Variants in PGBD5 observed in about 807,000 individuals in gnomAD.
The protein encoded by PGBD5 is piggyBac transposable element derived 5, also known as piggyBac transposable element-derived protein 5.
In PGBD5, 14 loss-of-function variants were observed where a neutral mutation model predicts 47.9. That is an observed-to-expected ratio of 0.29 (90% CI 0.19 to 0.46). The LOEUF is 0.46. Among genes scored for constraint, PGBD5 ranks in the 20% least tolerant of loss-of-function variants. The probability of loss-of-function intolerance (pLI) is 1.00; values close to 1 mark genes in which losing one functional copy is unlikely to be tolerated. For synonymous variants in PGBD5, 316 were observed against 306.3 expected (o/e 1.03, Z -0.33); for missense variants, 635 against 716.0 (o/e 0.89, Z 1.29).
intron 4 of PGBD5, among the ~76,000 whole-genome samples, chr1:230,335,877 GGACACACA>G (rs1667315972): frequency 1.6e-4 from 1 of 6,256 alleles, no homozygotes; most frequent in East Asian, 0.013. Flanking sequence ...ATGCATACAC[GGACACACA>G]GATGCATACA....
chr1:230,338,907 CTTTTCTAGGGCT>C (rs2102819842), intron 3 of PGBD5, among the ~76,000 whole-genome samples: 1 of 152,332 alleles, frequency 6.6e-6, no homozygotes, highest in East Asian at 1.9e-4. Flanking sequence ...AGCCCGGTTC[CTTTTCTAGGGCT>C]TTACTTGGGT....
chr1:230,360,941 G>A (rs570414592), intron 1 of PGBD5, among the ~76,000 whole-genome samples: 5 of 152,212 alleles, frequency 3.3e-5, no homozygotes, highest in South Asian at 4.2e-4. Context: ...CATCCCATTC[G>A]GCAATTGAGG....
At chr1:230,355,319 G>A (rs937267355) in intron 2 of PGBD5, among the ~76,000 whole-genome samples, 7 of 152,180 alleles carry the variant, frequency 4.6e-5, no homozygotes, top group East Asian at 1.9e-4. Context: ...CCTAGTAGGC[G>A]CTGCAGTGTG....
intron 1 of PGBD5, among the ~76,000 whole-genome samples, chr1:230,417,104 A>C (rs560660271): frequency 6.6e-6 from 1 of 152,324 alleles, no homozygotes; most frequent in Admixed American, 6.5e-5. Flanking sequence ...CCTGCAACTC[A>C]CAAATGAGGG....
At chr1:230,361,096 C>T (rs1344276050) in intron 1 of PGBD5, among the ~76,000 whole-genome samples, 2 of 152,188 alleles carry the variant, frequency 1.3e-5, no homozygotes, top group Admixed American at 6.5e-5. Context: ...TTACGTGGCT[C>T]TCCTACACAT....
intron 1 of PGBD5, among the ~76,000 whole-genome samples, chr1:230,369,789 GA>G (rs1333387665): frequency 6.6e-6 from 1 of 152,082 alleles, no homozygotes; most frequent in Non-Finnish European, 1.5e-5. Flanking sequence ...ACTGGTCCAA[GA>G]AAAAATGAAG....
intron 1 of PGBD5, among the ~76,000 whole-genome samples, chr1:230,397,039 A>C (rs1657002121): frequency 6.6e-6 from 1 of 152,162 alleles, no homozygotes; most frequent in Non-Finnish European, 1.5e-5. Context: ...TTGTCACTGG[A>C]GAGGGAGTTC....
intron 1 of PGBD5, among the ~76,000 whole-genome samples, chr1:230,370,923 T>G (rs114499042): frequency 6.6e-6 from 1 of 152,086 alleles, no homozygotes; most frequent in Non-Finnish European, 1.5e-5. Context: ...ACAGACGGAG[T>G]AGGCACTCAA....
chr1:230,408,872 A>G (rs1049950409), intron 1 of PGBD5, among the ~76,000 whole-genome samples: 16 of 152,214 alleles, frequency 1.1e-4, no homozygotes, highest in Non-Finnish European at 2.9e-5. Flanking sequence ...CACAAAATGT[A>G]CAACTTTTGT....
At chr1:230,346,154 C>G (rs533898754) in intron 3 of PGBD5, among the ~76,000 whole-genome samples, 1 of 152,140 alleles carries the variant, frequency 6.6e-6, no homozygotes, top group Non-Finnish European at 1.5e-5. Flanking sequence ...GGAACCTTCC[C>G]GCCTCAGCCA....
intron 4 of PGBD5, among the ~76,000 whole-genome samples, chr1:230,335,068 T>C (rs896499366): frequency 3.1e-4 from 38 of 123,676 alleles, no homozygotes; most frequent in Middle Eastern, 5.1e-3. Flanking sequence ...CAAACACAGA[T>C]GCACACACAG....
chr1:230,326,177 GGAGGCCAAGGCGGGGGGATCACCT>G (rs1377977808), intron 5 of PGBD5, among the ~76,000 whole-genome samples: 1 of 152,230 alleles, frequency 6.6e-6, no homozygotes, highest in Non-Finnish European at 1.5e-5. Context: ...CAGCACTTTG[GGAGGCCAAGGCGGGGGGATCACCT>G]GAGGTCAGTA....
intron 1 of PGBD5, among the ~76,000 whole-genome samples, chr1:230,400,697 A>C (rs1173608668): frequency 6.6e-6 from 1 of 152,214 alleles, no homozygotes; most frequent in Non-Finnish European, 1.5e-5. Context: ...TGCACAATTT[A>C]AGCTGGACAC....
chr1:230,385,791 A>T (rs1656624069), intron 1 of PGBD5, among the ~76,000 whole-genome samples: 1 of 152,100 alleles, frequency 6.6e-6, no homozygotes, highest in African/African-American at 2.4e-5. Flanking sequence ...CACATCACAT[A>T]GTACACAAGT....
intron 4 of PGBD5, 152 bp from the exon 5 acceptor site, chr1:230,333,193 G>T (rs1667251007): frequency 1.3e-6 from 1 of 749,672 alleles, no homozygotes. Flanking sequence ...CTCTAGAAGA[G>T]ACTGCTGAAG....
chr1:230,337,049 C>T, intron 4 of PGBD5, 59 bp downstream of exon 4: 1 of 1,573,416 alleles, frequency 6.4e-7, no homozygotes. Flanking sequence ...CTGGACCTCT[C>T]CCACCACTTT....
In PGBD5 at chr1:230,323,963, C is replaced by CAAAG. The variant is rs1366832876; in HGVS notation, c.1380-347_1380-344dup. Among the ~76,000 whole-genome samples the CAAAG allele has an allele frequency of 6.6e-6, 1 of 152,244 alleles. No homozygotes were observed. The highest frequency in any genetic ancestry group is 1.5e-5 in the Non-Finnish European group (1 of 68,040). ...TTCCCTGCTTGCTGAATGCTCCTTG[C>CAAAG]AAAGCTGTGCTCTGTACGTGCTGTG... is the stretch of plus-strand genomic sequence containing the variant. On this transcript the variant is annotated intron_variant, in intron 6 of 6. Coordinates refer to ENST00000391860, the MANE Select transcript of PGBD5 (RefSeq NM_001258311.2). The surrounding 1 kb of genome is among the most constrained non-coding windows in gnomAD (Gnocchi z 4.1).
At position 230,316,705 on chromosome 1, in the gene PGBD5, A is replaced by G. The variant is rs905169610; in HGVS notation, c.*6720T>C. The G allele has an allele frequency of 1.3e-5, 2 of 152,126 alleles. No individual in the cohort carries two copies. The highest frequency in any genetic ancestry group is 2.9e-5 in the Non-Finnish European group (2 of 68,036). The allele number at this position is 152,126 out of a possible 1,614,324, so 9.4% of individuals were successfully genotyped here. A position where few individuals can be genotyped will look rare whatever the true frequency, so the allele number is the denominator to read the frequency against. ...CTGGGAACAAGGAACCCTCACATGGATCGTCAGGCTGGAGGAGTAGGTGGG... is the reference window on the plus strand; with the variant it reads ...CTGGGAACAAGGAACCCTCACATGGGTCGTCAGGCTGGAGGAGTAGGTGGG... On this transcript the variant is annotated 3_prime_UTR_variant, in exon 7 of 7. Transcript: ENST00000391860.
chr1:230,337,774 G>A (rs1173204774), intron 3 of PGBD5, among the ~76,000 whole-genome samples: 10 of 152,186 alleles, frequency 6.6e-5, no homozygotes, highest in South Asian at 2.1e-4. Flanking sequence ...TTCCCCTCAC[G>A]GTGCAGAGGA....
Sources: gnomAD v4.1 joint callset for allele counts (sites outside exome capture counted in the v4.1 genomes callset) on GRCh38, gnomAD v4.1.1 for gene constraint, Gnocchi (gnomAD v3.1) non-coding constraint, MANE v1.5 for transcripts, NCBI Gene and HGNC (gene_info 2026-07-23, HGNC 2026-07-21) for gene names.